The following MYLIP variants were observed in gnomAD, a reference collection of about 807,000 sequenced individuals.
MYLIP encodes the protein myosin regulatory light chain interacting protein, also known as E3 ubiquitin-protein ligase MYLIP.
MYLIP carries 26 observed loss-of-function variants against 45.8 expected under a neutral mutation model. The observed-to-expected ratio is 0.57, with a 90% CI of 0.42 to 0.79. The LOEUF (loss-of-function observed/expected upper bound fraction) is 0.79, where lower values mean the gene tolerates loss of function less well. MYLIP is among the 30% of genes least tolerant of loss of function. MYLIP has a pLI of 0.00. For missense variants in MYLIP, 494 were observed against 555.6 expected (o/e 0.89, Z 1.11); for synonymous variants, 213 against 218.1 (o/e 0.98, Z 0.21).
chr6:16,130,496 C>T, intron 1 of MYLIP, 61 bp from the exon 2 acceptor site: 1 of 1,500,972 alleles, frequency 6.7e-7, no homozygotes, highest in South Asian at 1.2e-5. Context: ...CTCAGGGAGC[C>T]GTTGGGTTTG....
chr6:16,155,046 T>C, the MYLIP span, among the ~76,000 whole-genome samples: 1 of 152,194 alleles, frequency 6.6e-6, no homozygotes, highest in African/African-American at 2.4e-5. Context: ...GTTTCCATGT[T>C]ATTACTCATC....
chr6:16,146,643 G>A lies in MYLIP; in HGVS notation c.1249-19G>A, dbSNP rs1006878821. 5 of 1,598,674 alleles carry A rather than the reference G, an allele frequency of 3.1e-6. No homozygotes were observed. The African/African-American group carries it at 5.4e-5, about 17-fold the overall frequency. ...CGAGGCTTGCATGCTAACAGAGACTGTTGGCTTTTCTTTCCCAGTCATGTC... is the reference window on the plus strand; with the variant it reads ...CGAGGCTTGCATGCTAACAGAGACTATTGGCTTTTCTTTCCCAGTCATGTC... On this transcript the variant is annotated intron_variant, in intron 6 of 6. Coordinates refer to ENST00000356840, the MANE Select transcript of MYLIP (RefSeq NM_013262.4).
chr6:16,154,152 T>A, the MYLIP span, among the ~76,000 whole-genome samples: 1 of 152,156 alleles, frequency 6.6e-6, no homozygotes, highest in Non-Finnish European at 1.5e-5. Context: ...AAAATTAATT[T>A]TTCTTTTTTT....
chr6:16,151,406 C>T (rs368889947), downstream of MYLIP, among the ~76,000 whole-genome samples: 4 of 151,820 alleles, frequency 2.6e-5, no homozygotes, highest in African/African-American at 9.7e-5. Flanking sequence ...CACGTCACCA[C>T]GTTTGCATGT....
the MYLIP span, among the ~76,000 whole-genome samples, chr6:16,158,818 C>T: frequency 6.6e-6 from 1 of 152,090 alleles, no homozygotes; most frequent in African/African-American, 2.4e-5. Context: ...TGCAGTGAGC[C>T]GAGATCGCGC....
intron 2 of MYLIP, among the ~76,000 whole-genome samples, chr6:16,131,035 A>AAAAAAAAG (rs1180672169): frequency 0.034 from 5,066 of 150,038 alleles, 314 homozygotes; most frequent in African/African-American, 0.11. Context: ...CCAGGAAAAA[A>AAAAAAAAG]AAAAAAAAAA....
rs1408769546 is a variant in MYLIP, at chr6:16,130,585, T to C, written c.116T>C (p.Val39Ala). The C allele has an allele frequency of 1.1e-5, 18 of 1,614,034 alleles. No homozygotes were observed. Among genetic ancestry groups the C allele is most frequent in the Non-Finnish European group, 1.4e-5 (16 of 1,180,028 alleles). ...TGCAGGCGACTGGGAATCATAGAAGTTGACTATTTTGGACTGCAGTTTACG... is the reference window on the plus strand; with the variant it reads ...TGCAGGCGACTGGGAATCATAGAAGCTGACTATTTTGGACTGCAGTTTACG... ...QVCRRLGIIE[V>A]DYFGLQFTGS... Residue 39 changes from valine to alanine, a missense_variant, in exon 2 of 7, where the codon GTT becomes GCT. Physicochemically the swap from Val to Ala is moderately conservative, Grantham distance 64. Transcript: ENST00000356840.
chr6:16,140,446 A>G (rs1218221539), intron 2 of MYLIP, among the ~76,000 whole-genome samples: 1 of 152,214 alleles, frequency 6.6e-6, no homozygotes, highest in African/African-American at 2.4e-5. Context: ...AACTAATCAC[A>G]CATAATATGC....
the MYLIP span, among the ~76,000 whole-genome samples, chr6:16,154,145 A>G: frequency 3.3e-5 from 5 of 152,138 alleles, no homozygotes; most frequent in Non-Finnish European, 7.4e-5. Flanking sequence ...TTTTAAAAAA[A>G]TTAATTTTTC....
At chr6:16,155,560 C>T in the MYLIP span, among the ~76,000 whole-genome samples, 10 of 152,226 alleles carry the variant, frequency 6.6e-5, no homozygotes, top group African/African-American at 9.6e-5. Context: ...GACAGTGAAG[C>T]GGGAAATTTC....
At chr6:16,159,271 C>G in the MYLIP span, among the ~76,000 whole-genome samples, 1 of 152,192 alleles carries the variant, frequency 6.6e-6, no homozygotes, top group African/African-American at 2.4e-5. Flanking sequence ...GGGAGACTTT[C>G]TCCACTTTGC....
rs1759731118 is a variant in MYLIP at position 16,143,876 on chromosome 6, T to C, written c.827+13T>C. Reference sequence around the variant, plus strand: ...ACGCATTCTACAGGCACGTATCTCGTGTGCTTGGTCACCTCAGCACCACAG... The same window carrying C: ...ACGCATTCTACAGGCACGTATCTCGCGTGCTTGGTCACCTCAGCACCACAG... On this transcript the variant is annotated intron_variant, in intron 5 of 6. Transcript: ENST00000356840. 2 of 1,610,650 alleles carry C rather than the reference T, an allele frequency of 1.2e-6. No individual in the cohort carries two copies. Among genetic ancestry groups the C allele is most frequent in the Middle Eastern group, 3.5e-4 (2 of 5,696 alleles).
chr6:16,131,355 C>T (rs754426866), intron 2 of MYLIP, among the ~76,000 whole-genome samples: 5 of 152,164 alleles, frequency 3.3e-5, no homozygotes, highest in Non-Finnish European at 5.9e-5. Flanking sequence ...ATGTTACACA[C>T]GATTGGTGAG....
chr6:16,133,110 T>C (rs1759489587), intron 2 of MYLIP, among the ~76,000 whole-genome samples: 1 of 152,136 alleles, frequency 6.6e-6, no homozygotes, highest in African/African-American at 2.4e-5. Context: ...GGAAGGCCTG[T>C]TTGTCATAGG....
the MYLIP span, among the ~76,000 whole-genome samples, chr6:16,154,612 G>A: frequency 6.6e-6 from 1 of 152,190 alleles, no homozygotes; most frequent in African/African-American, 2.4e-5. Flanking sequence ...GCTCCAAAAG[G>A]TTGACCTTAC....
downstream of MYLIP, among the ~76,000 whole-genome samples, chr6:16,150,506 A>G (rs1369768895): frequency 6.6e-6 from 1 of 152,192 alleles, no homozygotes; most frequent in East Asian, 1.9e-4. Context: ...GGTTTTAAAT[A>G]GGAGGCCCTG....
downstream of MYLIP, among the ~76,000 whole-genome samples, chr6:16,152,197 G>C (rs2113595656): frequency 6.6e-6 from 1 of 152,330 alleles, no homozygotes; most frequent in South Asian, 2.1e-4. Context: ...ATGACTGCTG[G>C]AATAAAAATT....
intron 2 of MYLIP, among the ~76,000 whole-genome samples, chr6:16,138,358 T>C (rs1759598663): frequency 6.6e-6 from 1 of 151,654 alleles, no homozygotes; most frequent in Non-Finnish European, 1.5e-5. Flanking sequence ...AGGAGCCAGA[T>C]AGTTACAATC....
chr6:16,143,590 G>C, intron 4 of MYLIP, 109 bp from the exon 5 acceptor site: 3 of 1,129,094 alleles, frequency 2.7e-6, no homozygotes, highest in South Asian at 3.0e-5. Context: ...CAGAGGAAGC[G>C]TCTGATTTTT....
Sources: allele counts gnomAD v4.1 joint callset (sites outside exome capture counted in the v4.1 genomes callset), GRCh38; gene constraint gnomAD v4.1.1; transcripts MANE v1.5; gene names NCBI Gene and HGNC (gene_info 2026-07-23, HGNC 2026-07-21).